The following NRG1 variants were observed in gnomAD, a reference collection of about 807,000 sequenced individuals.
NRG1 encodes neuregulin 1, also known as pro-neuregulin-1, membrane-bound isoform.
Under a neutral mutation model 63.8 loss-of-function variants are expected in NRG1, and 18 were observed. The observed-to-expected ratio is 0.28, with a 90% confidence interval of 0.19 to 0.42. NRG1 has a LOEUF of 0.42. Ranked by LOEUF, NRG1 falls within the 10% of genes least tolerant of loss-of-function variation. The pLI is 1.00. For missense variants in NRG1, 762 were observed against 814.7 expected (o/e 0.94, Z 0.79); for synonymous variants, 302 against 301.3 (o/e 1.00, Z -0.02).
rs141758391 is a variant in NRG1 at position 32,592,572 on chromosome 8, A to G, written c.101-3256A>G. On this transcript the variant is annotated intron_variant, in intron 1 of 11. Transcript: ENST00000356819. ...AAATCAAAACCCCTAATACAGAAAT[A>G]AATAAACTAATGAAGACAGAAGGTG... Among the ~76,000 whole-genome samples, 492 of 152,310 alleles carry G rather than the reference A, an allele frequency of 3.2e-3. 2 individuals are homozygous for G. The highest frequency in any genetic ancestry group is 0.011 in the African/African-American group (477 of 41,570).
intron 1 of NRG1, among the ~76,000 whole-genome samples, chr8:32,529,829 G>A (rs956050210): frequency 6.6e-6 from 1 of 152,142 alleles, no homozygotes; most frequent in Non-Finnish European, 1.5e-5. Flanking sequence ...CCTCCTGAAG[G>A]AACTGCCTGA....
chr8:31,919,606 C>T (rs1190408994), intron 1 of NRG1, among the ~76,000 whole-genome samples: 5 of 151,974 alleles, frequency 3.3e-5, no homozygotes, highest in Non-Finnish European at 4.4e-5. Context: ...TTAGTAATAT[C>T]GAAATATTTC....
At chr8:32,456,772 A>AC (rs568260000) in intron 1 of NRG1, among the ~76,000 whole-genome samples, 18 of 151,746 alleles carry the variant, frequency 1.2e-4, no homozygotes, top group Admixed American at 2.0e-4. Flanking sequence ...GGGTGGTTGG[A>AC]CCCCCCCAGC....
intron 1 of NRG1, among the ~76,000 whole-genome samples, chr8:31,851,238 T>C (rs1827183228): frequency 6.6e-6 from 1 of 152,216 alleles, no homozygotes; most frequent in South Asian, 2.1e-4. Context: ...TTCTTTTTAG[T>C]AAATGTTTGA....
At chr8:32,552,064 C>G (rs1422901536) in intron 1 of NRG1, among the ~76,000 whole-genome samples, 1 of 151,960 alleles carries the variant, frequency 6.6e-6, no homozygotes, top group East Asian at 1.9e-4. Flanking sequence ...GTGTGCGCCA[C>G]CATGCCCAGC....
At chr8:32,473,632 C>A (rs548046450) in intron 1 of NRG1, among the ~76,000 whole-genome samples, 38 of 152,178 alleles carry the variant, frequency 2.5e-4, no homozygotes, top group African/African-American at 9.2e-4. Context: ...TTATGATTTC[C>A]GCAGACTTAA....
chr8:32,381,943 G>T (rs1474741803), intron 1 of NRG1, among the ~76,000 whole-genome samples: 1 of 152,102 alleles, frequency 6.6e-6, no homozygotes, highest in African/African-American at 2.4e-5. Flanking sequence ...AAAGTGAAAA[G>T]CATTTTAAAA....
intron 5 of NRG1, among the ~76,000 whole-genome samples, chr8:32,651,237 A>C (rs548850706): frequency 6.6e-6 from 1 of 152,160 alleles, no homozygotes; most frequent in South Asian, 2.1e-4. Context: ...TCATGATATT[A>C]ATCTATGCAT....
At chr8:31,878,223 T>TA (rs1408105422) in intron 1 of NRG1, among the ~76,000 whole-genome samples, 2 of 152,222 alleles carry the variant, frequency 1.3e-5, no homozygotes, top group Non-Finnish European at 2.9e-5. Flanking sequence ...TTTCTATTGC[T>TA]ATATATGGAA....
intron 1 of NRG1, among the ~76,000 whole-genome samples, chr8:32,093,997 T>C (rs1829551962): frequency 6.6e-6 from 1 of 152,180 alleles, no homozygotes; most frequent in African/African-American, 2.4e-5. Context: ...TGGCTGATGG[T>C]TCCTGAGGAT....
intron 1 of NRG1, among the ~76,000 whole-genome samples, chr8:32,004,820 A>G (rs1317886265): frequency 6.6e-6 from 1 of 151,788 alleles, no homozygotes; most frequent in African/African-American, 2.4e-5. Context: ...AGTGTGAACA[A>G]AGTCATGATG....
At chr8:32,402,286 A>G (rs948635804) in intron 1 of NRG1, among the ~76,000 whole-genome samples, 2 of 151,880 alleles carry the variant, frequency 1.3e-5, no homozygotes, top group Admixed American at 1.3e-4. Context: ...ACACCCTGTC[A>G]CTCTCATCAG....
At position 31,810,753 on chromosome 8, in the gene NRG1, TTTG is replaced by T. The variant is rs1822804776; in HGVS notation, c.37+171331_37+171333del. On this transcript the variant is annotated intron_variant, in intron 1 of 10. Coordinates refer to the NRG1 transcript ENST00000519301. Reference sequence around the variant, plus strand: ...TGTGACCAAGATAGGTTTGTTTGTGTTTGTTGTTGTTCTTCAAAATAGAAACAT... The same window carrying T: ...TGTGACCAAGATAGGTTTGTTTGTGTTTGTTGTTCTTCAAAATAGAAACAT... 2.0e-5 allele frequency among the ~76,000 whole-genome samples: 3 copies of T among 152,300 alleles called. No homozygotes were observed. The South Asian group carries it at 6.2e-4, about 32-fold the overall frequency.
exon 12 of NRG1, chr8:32,764,114 G>A: frequency 6.2e-7 from 1 of 1,613,974 alleles, no homozygotes; most frequent in East Asian, 2.2e-5. Flanking sequence ...CCAATAGCCG[G>A]CGGGCCAAAA....
intron 1 of NRG1, among the ~76,000 whole-genome samples, chr8:31,934,347 A>ATG (rs765665545): frequency 4.8e-5 from 7 of 147,222 alleles, no homozygotes; most frequent in Non-Finnish European, 8.9e-5. Flanking sequence ...ATACATATAT[A>ATG]TGTGTGTGTA....
chr8:32,210,010 T>C (rs1844527340), intron 1 of NRG1, among the ~76,000 whole-genome samples: 1 of 152,170 alleles, frequency 6.6e-6, no homozygotes, highest in Non-Finnish European at 1.5e-5. Context: ...AGATTTATCT[T>C]CTGTAAATAA....
intron 1 of NRG1, among the ~76,000 whole-genome samples, chr8:32,150,422 GTCATGAGGGGTTCTCCA>G (rs1227244008): frequency 1.3e-5 from 2 of 152,156 alleles, no homozygotes; most frequent in African/African-American, 4.8e-5. Flanking sequence ...AACTGATTAA[GTCATGAGGGGTTCTCCA>G]TATGCATGAA....
intron 1 of NRG1, among the ~76,000 whole-genome samples, chr8:32,433,157 G>A (rs1229699376): frequency 6.6e-6 from 1 of 152,132 alleles, no homozygotes; most frequent in African/African-American, 2.4e-5. Context: ...ACATACTGGG[G>A]CCCTGTTTCC....
At chr8:32,329,947 C>T (rs893951190) in intron 1 of NRG1, among the ~76,000 whole-genome samples, 1 of 147,718 alleles carries the variant, frequency 6.8e-6, no homozygotes, top group Non-Finnish European at 1.5e-5. Context: ...GATCACAGCT[C>T]ATTGCAGCCT....
Sources: gnomAD v4.1 joint callset for allele counts (sites outside exome capture counted in the v4.1 genomes callset) on GRCh38, gnomAD v4.1.1 for gene constraint, MANE v1.5 for transcripts, NCBI Gene and HGNC (gene_info 2026-07-23, HGNC 2026-07-21) for gene names.